UBE2G1: variants seen among roughly 807,000 people sequenced by gnomAD.
The protein encoded by UBE2G1 is ubiquitin-conjugating enzyme E2 G1.
In UBE2G1, 5 loss-of-function variants were observed where a neutral mutation model predicts 22.7. That is an observed-to-expected ratio of 0.22 (90% CI 0.12 to 0.46). The LOEUF is 0.46. Ranked by LOEUF, UBE2G1 falls within the 20% of genes least tolerant of loss-of-function variation. The pLI, the probability that UBE2G1 is intolerant of heterozygous loss-of-function variation, is 0.99. For missense variants in UBE2G1, 88 were observed against 203.9 expected, an observed-to-expected ratio of 0.43 and a Z score of 3.46; for synonymous variants, 74 against 67.5, an observed-to-expected ratio of 1.10 and a Z score of -0.47.
At chr17:4,289,070 ATTTAT>A (rs1969003821) in intron 4 of UBE2G1, among the ~76,000 whole-genome samples, 155 bp downstream of exon 4, 2 of 150,474 alleles carry the variant, frequency 1.3e-5, no homozygotes, top group Non-Finnish European at 2.9e-5. Flanking sequence ...AAATAAATAT[ATTTAT>A]TTTGTCAAAA....
intron 4 of UBE2G1, among the ~76,000 whole-genome samples, chr17:4,286,073 A>G (rs1158937860): frequency 6.6e-6 from 1 of 152,096 alleles, no homozygotes; most frequent in Non-Finnish European, 1.5e-5. Flanking sequence ...TACTATGAAA[A>G]TATGATCAAA....
At chr17:4,341,050 C>CAAAAAAAAAAAA (rs71383550) in intron 1 of UBE2G1, among the ~76,000 whole-genome samples, 1 of 85,950 alleles carries the variant, frequency 1.2e-5, no homozygotes, top group Admixed American at 1.2e-4. Flanking sequence ...AGTGTCTTTA[C>CAAAAAAAAAAAA]AAAAAAAAAA....
At chr17:4,339,820 G>A (rs1450311959) in intron 1 of UBE2G1, among the ~76,000 whole-genome samples, 1 of 151,614 alleles carries the variant, frequency 6.6e-6, no homozygotes, top group Admixed American at 6.6e-5. Flanking sequence ...TTGCGCTCCA[G>A]CCTGGGCAAC....
intron 1 of UBE2G1, among the ~76,000 whole-genome samples, chr17:4,347,084 C>T (rs956111574): frequency 6.6e-6 from 1 of 151,986 alleles, no homozygotes; most frequent in Non-Finnish European, 1.5e-5. Context: ...GCCCAGGAGG[C>T]GGAGGTTGCA....
chr17:4,307,046 T>C lies in UBE2G1; in HGVS notation c.124A>G (p.Ile42Val), dbSNP rs1969256344. The part of the protein sequence containing the change: ...DNDLYRWEVL[I>V]IGPPDTLYEG... ...TAAAGTGTATCTGGAGGGCCAATAA[T>C]AAGGACTTCCCATCGGTAGAGATCA... is the stretch of plus-strand genomic sequence containing the variant. Residue 42 changes from isoleucine (I) to valine (V), a missense_variant, in exon 2 of 6, where the codon ATT becomes GTT. Physicochemically the swap from Ile to Val is conservative, Grantham distance 29. Coordinates refer to ENST00000396981, the MANE Select transcript of UBE2G1 (RefSeq NM_003342.5). 1 of 1,613,966 alleles carries C rather than the reference T, an allele frequency of 6.2e-7. No homozygotes were observed. Among genetic ancestry groups the C allele is most frequent in the Non-Finnish European group, 8.5e-7 (1 of 1,179,906 alleles).
intron 1 of UBE2G1, among the ~76,000 whole-genome samples, chr17:4,359,108 C>T (rs1038448214): frequency 6.6e-6 from 1 of 152,000 alleles, no homozygotes; most frequent in African/African-American, 2.4e-5. Flanking sequence ...AAAGTGTCTC[C>T]TGACATAAAG....
At chr17:4,278,452 A>C (rs1968846536) in intron 5 of UBE2G1, among the ~76,000 whole-genome samples, 1 of 152,032 alleles carries the variant, frequency 6.6e-6, no homozygotes, top group Non-Finnish European at 1.5e-5. Context: ...AAAATAAAAA[A>C]AAATCTTGAT....
rs575125874 is a variant in UBE2G1, at chr17:4,299,883, G to A, written c.150-3069C>T. Reference sequence around the variant, plus strand: ...GCTCTGTCGCCCAGGCTGGAGTGCAGTGGCGTGATCTCGGCTCACTGCAAG... The same window carrying A: ...GCTCTGTCGCCCAGGCTGGAGTGCAATGGCGTGATCTCGGCTCACTGCAAG... On this transcript the variant is annotated intron_variant, in intron 2 of 5. Transcript: ENST00000396981. Among the ~76,000 whole-genome samples, 59 of 146,762 alleles carry A rather than the reference G, an allele frequency of 4.0e-4. 2 individuals carry two copies. The South Asian group carries it at 0.012, about 31-fold the overall frequency.
intron 1 of UBE2G1, among the ~76,000 whole-genome samples, chr17:4,325,260 C>T (rs1219476523): frequency 1.3e-5 from 2 of 151,994 alleles, no homozygotes; most frequent in Non-Finnish European, 2.9e-5. Flanking sequence ...CAAAAGTGAA[C>T]CCTGATATAA....
intron 1 of UBE2G1, among the ~76,000 whole-genome samples, chr17:4,330,513 G>C (rs534462945): frequency 6.6e-6 from 1 of 151,862 alleles, no homozygotes; most frequent in Non-Finnish European, 1.5e-5. Flanking sequence ...CAAGGTGGGC[G>C]GATCACCTGA....
At chr17:4,296,875 G>A (rs1281874496) in intron 2 of UBE2G1, 61 bp from the exon 3 acceptor site, 4 of 1,431,738 alleles carry the variant, frequency 2.8e-6, no homozygotes, top group East Asian at 2.3e-5. Flanking sequence ...GTATAGAAGT[G>A]TTAAAACAAA....
chr17:4,283,488 A>T (rs1367867050), intron 4 of UBE2G1, among the ~76,000 whole-genome samples: 1 of 152,200 alleles, frequency 6.6e-6, no homozygotes, highest in Admixed American at 6.5e-5. Context: ...CGACAGAGCG[A>T]GACTCCATCT....
chr17:4,278,410 C>T (rs1253839150), intron 5 of UBE2G1, among the ~76,000 whole-genome samples: 1 of 152,022 alleles, frequency 6.6e-6, no homozygotes, highest in East Asian at 1.9e-4. Flanking sequence ...AATACACTAA[C>T]ACTAACCACA....
At chr17:4,308,469 A>G (rs7215376) in intron 1 of UBE2G1, among the ~76,000 whole-genome samples, 9,602 of 151,804 alleles carry the variant, frequency 0.063, 1,047 homozygotes, top group African/African-American at 0.22. Context: ...ATGTTGCATC[A>G]AGCCAAGATC....
At chr17:4,330,513 G>A (rs534462945) in intron 1 of UBE2G1, among the ~76,000 whole-genome samples, 5 of 151,862 alleles carry the variant, frequency 3.3e-5, no homozygotes, top group East Asian at 2.0e-4. Flanking sequence ...CAAGGTGGGC[G>A]GATCACCTGA....
At chr17:4,281,951 C>G (rs1199708799) in intron 5 of UBE2G1, among the ~76,000 whole-genome samples, 3 of 151,450 alleles carry the variant, frequency 2.0e-5, no homozygotes, top group South Asian at 2.1e-4. Flanking sequence ...TGGATGGGTG[C>G]CTTCCATCTT....
intron 1 of UBE2G1, among the ~76,000 whole-genome samples, chr17:4,317,142 G>C (rs1847567281): frequency 6.6e-6 from 1 of 152,056 alleles, no homozygotes; most frequent in Admixed American, 6.6e-5. Flanking sequence ...CTGAGGTCAG[G>C]AGTTTAAGAC....
chr17:4,316,457 C>T (rs1388936543), intron 1 of UBE2G1, among the ~76,000 whole-genome samples: 2 of 152,120 alleles, frequency 1.3e-5, no homozygotes, highest in African/African-American at 4.8e-5. Flanking sequence ...AAAAATGCCA[C>T]AAACCAAGTC....
intron 5 of UBE2G1, among the ~76,000 whole-genome samples, chr17:4,275,422 A>G (rs556106396): frequency 6.4e-4 from 97 of 152,338 alleles, no homozygotes; most frequent in African/African-American, 2.2e-3. Flanking sequence ...AATTGAAATT[A>G]TATCAATTGC....
Sources: gnomAD v4.1 joint callset for allele counts (sites outside exome capture counted in the v4.1 genomes callset) on GRCh38, gnomAD v4.1.1 for gene constraint, MANE v1.5 for transcripts, NCBI Gene and HGNC (gene_info 2026-07-23, HGNC 2026-07-21) for gene names.